Variants in PLEKHH1 observed in about 807,000 individuals in gnomAD.
PLEKHH1 encodes pleckstrin homology, MyTH4 and FERM domain containing H1.
PLEKHH1 carries 104 observed loss-of-function variants against 160.0 expected under a neutral mutation model. That is an observed-to-expected ratio of 0.65 (90% CI 0.55 to 0.76). The LOEUF (loss-of-function observed/expected upper bound fraction) is 0.76, where lower values mean the gene tolerates loss of function less well. Among genes scored for constraint, PLEKHH1 ranks in the 30% least tolerant of loss-of-function variants. PLEKHH1 has a pLI of 0.00. For missense variants in PLEKHH1, 1,427 were observed against 1,724.1 expected (o/e 0.83, Z 3.05); for synonymous variants, 619 against 678.4 (o/e 0.91, Z 1.36).
chr14:67,548,705 AAG>A (rs766590008), intron 2 of PLEKHH1, among the ~76,000 whole-genome samples: 1 of 152,196 alleles, frequency 6.6e-6, no homozygotes, highest in Admixed American at 6.5e-5. Flanking sequence ...CTCAAAAAAA[AAG>A]AGAGAAGAAA....
At chr14:67,547,482 C>T (rs192973012) in intron 2 of PLEKHH1, among the ~76,000 whole-genome samples, 192 of 152,274 alleles carry the variant, frequency 1.3e-3, no homozygotes, top group Non-Finnish European at 1.9e-3. Context: ...CCTGCTGGGG[C>T]CAAGAATCAT....
At chr14:67,537,953 A>T (rs1005996598) in intron 1 of PLEKHH1, among the ~76,000 whole-genome samples, 1 of 152,198 alleles carries the variant, frequency 6.6e-6, no homozygotes, top group African/African-American at 2.4e-5. Flanking sequence ...TTCACCTGCC[A>T]AGCAGTTTAG....
chr14:67,573,938 T>A lies in PLEKHH1; in HGVS notation c.1926+51T>A. ...TTTTAAACAGAAGAGGTGCTGGGTT[T>A]GGATATGGCCGTGAGTGAGACAAAG... On this transcript the variant is annotated intron_variant, in intron 13 of 28. Transcript: ENST00000329153. The surrounding 1 kb of genome is among the most constrained non-coding windows in gnomAD (Gnocchi z 4.8). The A allele has an allele frequency of 7.4e-7, 1 of 1,347,580 alleles. No homozygotes were observed. The highest frequency in any genetic ancestry group is 1.1e-6 in the Non-Finnish European group (1 of 936,426). The allele number at this position is 1,347,580 out of a possible 1,614,324, so 83.5% of individuals were successfully genotyped here. A position where few individuals can be genotyped will look rare whatever the true frequency, so the allele number is the denominator to read the frequency against.
Position 67,582,121 on chromosome 14 carries a change from C to T in PLEKHH1, c.3337C>T (p.Leu1113Phe). ...KGETDRERLL[L>F]ASQTSREIVA... is the part of the protein sequence containing the mutation. ...GGAGACGGACCGAGAACGGCTGCTC[C>T]TTGCCTCTCAAACCAGTAGAGAGAT... Residue 1113 changes from leucine (L) to phenylalanine (F), a missense_variant, in exon 24 of 29, where the codon CTT becomes TTT. By Grantham distance (22) the Leu-to-Phe change is conservative. Around this residue, in one of 6 missense-constraint regions of PLEKHH1, gnomAD observed 436 missense variants for 607.5 expected, o/e 0.72. Transcript: ENST00000329153. The surrounding 1 kb of genome is among the most constrained non-coding windows in gnomAD (Gnocchi z 5.0). 1 of 1,613,592 alleles carries T rather than the reference C, an allele frequency of 6.2e-7. No individual in the cohort carries two copies. Among genetic ancestry groups the T allele is most frequent in the Non-Finnish European group, 8.5e-7 (1 of 1,179,814 alleles).
At chr14:67,557,009 C>T (rs1213470016) in intron 3 of PLEKHH1, among the ~76,000 whole-genome samples, 5 of 152,216 alleles carry the variant, frequency 3.3e-5, no homozygotes, top group East Asian at 1.9e-4. Context: ...TTCCACTTAT[C>T]GTCTCCTCTG....
rs1803668 is a variant in PLEKHH1, at chr14:67,589,433, A to T, written c.*2198A>T. 8.4e-5 allele frequency: 83 copies of T among 984,836 alleles called. No individual in the cohort carries two copies. The African/African-American group carries it at 1.3e-3, about 16-fold the overall frequency. The allele number at this position is 984,836 out of a possible 1,614,324, so 61.0% of individuals were successfully genotyped here. A position where few individuals can be genotyped will look rare whatever the true frequency, so the allele number is the denominator to read the frequency against. On this transcript the variant is annotated 3_prime_UTR_variant, in exon 29 of 29. Transcript: ENST00000329153. The stretch of plus-strand genomic sequence containing the variant: ...CAAAAGTAGCTTTTGAACTGATATA[A>T]AAAAAAATGCTGAGTAACAGAAAAG...
intron 21 of PLEKHH1, 134 bp downstream of exon 21, chr14:67,579,445 G>C (rs2035787345): frequency 1.3e-6 from 1 of 767,700 alleles, no homozygotes; most frequent in Non-Finnish European, 2.0e-6. Flanking sequence ...CTCACTGCAT[G>C]AACAGGGAAG....
At position 67,588,012 on chromosome 14, in the gene PLEKHH1, G is replaced by T. The variant is rs971739357; in HGVS notation, c.*777G>T. On this transcript the variant is annotated 3_prime_UTR_variant, in exon 29 of 29. Coordinates refer to ENST00000329153, the MANE Select transcript of PLEKHH1 (RefSeq NM_020715.3). Reference sequence around the variant, plus strand: ...CCCAAATGGGAAAGGTGCTGACAGAGTTGGAGAAAAAAGAATAGACTCATT... The same window carrying T: ...CCCAAATGGGAAAGGTGCTGACAGATTTGGAGAAAAAAGAATAGACTCATT... 1 of 152,586 alleles carries T rather than the reference G, an allele frequency of 6.6e-6. No homozygotes were observed. The highest frequency in any genetic ancestry group is 1.5e-5 in the Non-Finnish European group (1 of 68,032). 9.5% of individuals were successfully genotyped at this position (152,586 alleles called of 1,614,324 possible).
Position 67,537,617 on chromosome 14 carries a change from G to A in PLEKHH1, c.-34-4217G>A, listed in dbSNP as rs143135660. ...GAAAGTTGTGGCTTCAGTGAACCAT[G>A]ATTGTGCCACTCACTCCAGCCTGGG... On this transcript the variant is annotated intron_variant, in intron 1 of 28. Transcript: ENST00000329153. Among the ~76,000 whole-genome samples, 445 of 151,852 alleles carry A rather than the reference G, an allele frequency of 2.9e-3. 1 individual carries two copies. Among genetic ancestry groups the A allele is most frequent in the Middle Eastern group, 6.8e-3 (2 of 294 alleles).
rs376233074 is a variant in PLEKHH1 at position 67,588,779 on chromosome 14, G to GTA, written c.*1546_*1547dup. 6.6e-5 allele frequency: 10 copies of GTA among 152,578 alleles called. No individual in the cohort carries two copies. Among genetic ancestry groups the GTA allele is most frequent in the African/African-American group, 2.4e-4 (10 of 41,416 alleles). The allele number at this position is 152,578 out of a possible 1,614,324, so 9.5% of individuals were successfully genotyped here. On this transcript the variant is annotated 3_prime_UTR_variant, in exon 29 of 29. Coordinates refer to ENST00000329153, the MANE Select transcript of PLEKHH1 (RefSeq NM_020715.3). Reference sequence around the variant, plus strand: ...CAAGCCTTTAACCCCAACAATGTGTGTATCTTTTGCACAGCAAAAACTGCG... The same window carrying GTA: ...CAAGCCTTTAACCCCAACAATGTGTGTATATCTTTTGCACAGCAAAAACTGCG...
At position 67,587,101 on chromosome 14, in the gene PLEKHH1, A is replaced by G; in HGVS notation, c.3961A>G (p.Ser1321Gly). The change falls in exon 29 of 29, where the codon AGC becomes GGC. Residue 1321 changes from serine (S) to glycine (G), a missense_variant. This residue lies in a region of PLEKHH1 where 96 missense variants were observed against 97.6 expected (regional missense o/e 0.98). Transcript: ENST00000329153. ...TGCAGAAGCTACCTTCATCATGGCC[A>G]GCTATATGAACCATTGCACTACAAC... is the stretch of plus-strand genomic sequence containing the variant. The part of the protein sequence containing the change: ...KIAEATFIMA[S>G]YMNHCTTTVN... 6.2e-7 allele frequency: 1 copy of G among 1,612,592 alleles called. No individual in the cohort carries two copies. Among genetic ancestry groups the G allele is most frequent in the Non-Finnish European group, 8.5e-7 (1 of 1,179,184 alleles).
chr14:67,586,825 A>G (rs1166408063), intron 28 of PLEKHH1: 2 of 1,471,264 alleles, frequency 1.4e-6, no homozygotes, highest in Non-Finnish European at 1.8e-6. Context: ...ACCAGAGCAG[A>G]ACACTGGGCC....
intron 8 of PLEKHH1, 132 bp from the exon 9 acceptor site, chr14:67,569,789 C>T: frequency 1.5e-6 from 1 of 674,492 alleles, no homozygotes; most frequent in Non-Finnish European, 2.7e-6. Flanking sequence ...TGAACAGGGC[C>T]CTGGCCCCCC....
rs71129838 is a variant in PLEKHH1 at position 67,581,274 on chromosome 14, GCACACACACA to G, written c.3284+253_3284+262del. On this transcript the variant is annotated intron_variant, in intron 23 of 28. Transcript: ENST00000329153. ...ATACTGCGTGTGCGTGTGTGTATATGCACACACACACACACACACACACACAAACATCTGC... is the reference window on the plus strand; with the variant it reads ...ATACTGCGTGTGCGTGTGTGTATATGCACACACACACACACAAACATCTGC... 3.0e-4 allele frequency among the ~76,000 whole-genome samples: 45 copies of G among 148,084 alleles called. 1 individual carries two copies. In the South Asian group the frequency reaches 9.1e-3, roughly 30 times the overall value.
chr14:67,566,931 G>GAAGGTATTAAGGGGATT (rs2035126767), intron 7 of PLEKHH1, among the ~76,000 whole-genome samples: 3 of 152,134 alleles, frequency 2.0e-5, no homozygotes, highest in East Asian at 1.9e-4. Context: ...CTCTGGTGAT[G>GAAGGTATTAAGGGGATT]AAGGTATTAA....
At chr14:67,542,786 C>T (rs908056327) in intron 2 of PLEKHH1, among the ~76,000 whole-genome samples, 3 of 152,218 alleles carry the variant, frequency 2.0e-5, no homozygotes, top group East Asian at 1.9e-4. Context: ...CCACAATCTC[C>T]GCCTCCTGGG....
intron 8 of PLEKHH1, 127 bp from the exon 9 acceptor site, chr14:67,569,794 C>A: frequency 2.9e-6 from 2 of 679,574 alleles, no homozygotes; most frequent in Non-Finnish European, 5.4e-6. Context: ...AGGGCCCTGG[C>A]CCCCCTCTTG....
chr14:67,571,517 G>T, intron 9 of PLEKHH1: 1 of 453,708 alleles, frequency 2.2e-6, no homozygotes, highest in East Asian at 3.2e-5. Flanking sequence ...GTCGTGATGG[G>T]CAGCTGCTTT....
At chr14:67,551,641 G>A (rs2034394910) in intron 2 of PLEKHH1, among the ~76,000 whole-genome samples, 1 of 152,002 alleles carries the variant, frequency 6.6e-6, no homozygotes, top group Non-Finnish European at 1.5e-5. Context: ...GTAATCCCAG[G>A]ACTTAGGGAG....
Sources: allele counts gnomAD v4.1 joint callset (sites outside exome capture counted in the v4.1 genomes callset), GRCh38; gene constraint gnomAD v4.1.1; regional missense constraint gnomAD v4.1.1; non-coding constraint Gnocchi (gnomAD v3.1); transcripts MANE v1.5; gene names NCBI Gene and HGNC (gene_info 2026-07-23, HGNC 2026-07-21).